Variants in DHRSX observed in about 807,000 individuals in gnomAD.
The protein encoded by DHRSX is polyprenol dehydrogenase.
A neutral mutation model predicts 34.0 loss-of-function variants in DHRSX; 31 were observed. The observed-to-expected ratio is 0.91, with a 90% CI of 0.69 to 1.23. DHRSX has a LOEUF of 1.23. DHRSX is among the 50% of genes most tolerant of loss of function. The probability of loss-of-function intolerance (pLI) is 0.00; values close to 1 mark genes in which losing one functional copy is unlikely to be tolerated. For missense variants in DHRSX, 414 were observed against 428.1 expected, an observed-to-expected ratio of 0.97 and a Z score of 0.29; for synonymous variants, 201 against 183.8, an observed-to-expected ratio of 1.09 and a Z score of -0.76.
chrX:2,360,361 G>A (rs1478991056), intron 3 of DHRSX, among the ~76,000 whole-genome samples: 1 of 152,162 alleles, frequency 6.6e-6, no homozygotes, highest in Non-Finnish European at 1.5e-5. Flanking sequence ...AAGGTGGGCG[G>A]ATCACGAGGG....
chrX:2,275,011 G>A (rs1291659935), intron 4 of DHRSX, among the ~76,000 whole-genome samples: 4 of 152,078 alleles, frequency 2.6e-5, no homozygotes, highest in Admixed American at 2.6e-4. Flanking sequence ...TGGTACCCCA[G>A]AGGAGGGATT....
chrX:2,424,158 G>T (rs1283968536), intron 2 of DHRSX, among the ~76,000 whole-genome samples: 1 of 152,122 alleles, frequency 6.6e-6, no homozygotes, highest in African/African-American at 2.4e-5. Context: ...CACACAGAGG[G>T]ATGACCCTGT....
At chrX:2,313,873 G>C (rs142893531) in intron 3 of DHRSX, among the ~76,000 whole-genome samples, 2,027 of 152,058 alleles carry the variant, frequency 0.013, 23 homozygotes, top group Non-Finnish European at 0.021. Context: ...GAAATACATT[G>C]GTTTGGTTCA....
chrX:2,346,527 C>T lies in DHRSX; in HGVS notation c.287-54924G>A, dbSNP rs566716393. Among the ~76,000 whole-genome samples the T allele has an allele frequency of 4.6e-5, 7 of 152,176 alleles. No individual in the cohort carries two copies. In the South Asian group the frequency reaches 8.3e-4, roughly 18 times the overall value. On this transcript the variant is annotated intron_variant, in intron 3 of 6. Coordinates refer to ENST00000334651, the MANE Select transcript of DHRSX (RefSeq NM_145177.3). The stretch of plus-strand genomic sequence containing the variant: ...TCCTGAAGATAGCCCAAATCCTTCC[C>T]GCAGCCTTTGGAAAGCCTCCCATAG...
At chrX:2,320,996 G>C (rs1382643826) in intron 3 of DHRSX, among the ~76,000 whole-genome samples, 1 of 152,034 alleles carries the variant, frequency 6.6e-6, no homozygotes, top group Non-Finnish European at 1.5e-5. Flanking sequence ...CCTGTGGCTT[G>C]ACAAGCAGCA....
At chrX:2,420,546 C>A (rs1037438256) in intron 2 of DHRSX, among the ~76,000 whole-genome samples, 10 of 151,642 alleles carry the variant, frequency 6.6e-5, no homozygotes, top group Non-Finnish European at 1.3e-4. Context: ...AGATCGAGAC[C>A]ATCTTGGCCA....
intron 3 of DHRSX, among the ~76,000 whole-genome samples, chrX:2,306,329 A>C (rs183008212): frequency 4.7e-4 from 72 of 152,234 alleles, no homozygotes; most frequent in African/African-American, 1.7e-3. Flanking sequence ...CGATACATCA[A>C]GCCCTGCAGC....
intron 6 of DHRSX, among the ~76,000 whole-genome samples, chrX:2,225,951 GCA>G (rs901582167): frequency 6.7e-6 from 1 of 149,920 alleles, no homozygotes; most frequent in African/African-American, 2.5e-5. Flanking sequence ...AAACAGACAT[GCA>G]CAGAGGGACG....
At chrX:2,472,504 A>C (rs185475792) in intron 1 of DHRSX, among the ~76,000 whole-genome samples, 1 of 152,176 alleles carries the variant, frequency 6.6e-6, no homozygotes, top group East Asian at 1.9e-4. Context: ...GGCCAGGAGC[A>C]GTGATTCATA....
intron 3 of DHRSX, among the ~76,000 whole-genome samples, chrX:2,300,517 T>C (rs1181063403): frequency 6.6e-6 from 1 of 152,120 alleles, no homozygotes; most frequent in Non-Finnish European, 1.5e-5. Context: ...CCACCCTTAA[T>C]CGGGGTGGGC....
chrX:2,438,372 A>G (rs2044022089), intron 1 of DHRSX, among the ~76,000 whole-genome samples: 1 of 151,840 alleles, frequency 6.6e-6, no homozygotes, highest in African/African-American at 2.4e-5. Context: ...CAAAGCATCA[A>G]TAAAGACTGC....
At chrX:2,262,849 TCACAGA>T (rs2041382744) in intron 5 of DHRSX, among the ~76,000 whole-genome samples, 1 of 152,036 alleles carries the variant, frequency 6.6e-6, no homozygotes, top group Non-Finnish European at 1.5e-5. Context: ...GCAGAGAGGC[TCACAGA>T]CACAGGAGCT....
chrX:2,406,536 G>A (rs996979346), intron 3 of DHRSX, among the ~76,000 whole-genome samples: 2 of 151,362 alleles, frequency 1.3e-5, no homozygotes, highest in African/African-American at 2.4e-5. Context: ...CAACTCCCAG[G>A]TTCAAGCAAT....
At chrX:2,403,347 C>T (rs188441256) in intron 3 of DHRSX, among the ~76,000 whole-genome samples, 1 of 152,174 alleles carries the variant, frequency 6.6e-6, no homozygotes, top group South Asian at 2.1e-4. Flanking sequence ...GATGGTAAAG[C>T]TTTTAAACAG....
At chrX:2,442,429 A>G (rs1356876017) in intron 1 of DHRSX, among the ~76,000 whole-genome samples, 4 of 151,966 alleles carry the variant, frequency 2.6e-5, no homozygotes, top group African/African-American at 9.7e-5. Context: ...ATGATGATAT[A>G]TAATTACATT....
Position 2,376,050 on chromosome X carries a change from A to G in DHRSX, c.286+32695T>C, listed in dbSNP as rs904000460. 1.2e-4 allele frequency among the ~76,000 whole-genome samples: 17 copies of G among 137,314 alleles called. 5 individuals carry two copies. Among genetic ancestry groups the G allele is most frequent in the East Asian group, 2.0e-4 (1 of 5,020 alleles). The allele number at this position is 137,314 out of a possible 152,430, so 90.1% of individuals were successfully genotyped here. On this transcript the variant is annotated intron_variant, in intron 3 of 6. Coordinates refer to ENST00000334651, the MANE Select transcript of DHRSX (RefSeq NM_145177.3). ...TTGCCATATTTTGACCAAAACAGTA[A>G]TAAAAGGGGCAATTTTCCTAGGGGC...
intron 5 of DHRSX, among the ~76,000 whole-genome samples, chrX:2,253,319 T>C (rs2016480522): frequency 7.2e-6 from 1 of 138,588 alleles, no homozygotes; most frequent in East Asian, 2.1e-4. Context: ...GAGGTGGACA[T>C]GGCCTTGAGC....
At chrX:2,282,388 A>AAGAGACAG (rs1402635108) in intron 4 of DHRSX, among the ~76,000 whole-genome samples, 15 of 146,380 alleles carry the variant, frequency 1.0e-4, no homozygotes, top group African/African-American at 3.6e-4. Context: ...GAGACAGAGA[A>AAGAGACAG]AGAGACAGAG....
intron 6 of DHRSX, among the ~76,000 whole-genome samples, chrX:2,229,764 T>G (rs1028322896): frequency 3.8e-4 from 58 of 151,904 alleles, no homozygotes; most frequent in African/African-American, 1.2e-3. Context: ...TGCATGTGTG[T>G]GGGGGCGCAG....
Sources: gnomAD v4.1 joint callset for allele counts (sites outside exome capture counted in the v4.1 genomes callset) on GRCh38, gnomAD v4.1.1 for gene constraint, MANE v1.5 for transcripts, NCBI Gene and HGNC (gene_info 2026-07-23, HGNC 2026-07-21) for gene names.